Variants in MYO3A observed in about 807,000 individuals in gnomAD.
The protein encoded by MYO3A is myosin IIIA.
Under a neutral mutation model 192.7 loss-of-function variants are expected in MYO3A, and 180 were observed. That is an observed-to-expected ratio of 0.93 (90% CI 0.83 to 1.06). The LOEUF is 1.06. Among genes scored for constraint, MYO3A ranks in the 50% least tolerant of loss-of-function variants. The probability of loss-of-function intolerance (pLI) is 0.00; values close to 1 mark genes in which losing one functional copy is unlikely to be tolerated. For synonymous variants in MYO3A, 628 were observed against 645.3 expected, an observed-to-expected ratio of 0.97 and a Z score of 0.41; for missense variants, 1,896 against 1,905.0, an observed-to-expected ratio of 1.00 and a Z score of 0.09.
intron 10 of MYO3A, among the ~76,000 whole-genome samples, chr10:26,051,671 G>A (rs74126362): frequency 6.6e-6 from 1 of 151,092 alleles, no homozygotes; most frequent in African/African-American, 2.4e-5. Context: ...ATAGCGGCTT[G>A]CCATCCCCCA....
chr10:26,137,212 A>G (rs1461937931), intron 20 of MYO3A, among the ~76,000 whole-genome samples: 1 of 152,224 alleles, frequency 6.6e-6, no homozygotes, highest in African/African-American at 2.4e-5. Flanking sequence ...AGGTTATTCT[A>G]TATTTTAAAT....
At chr10:26,193,960 C>T (rs968806714) in intron 32 of MYO3A, among the ~76,000 whole-genome samples, 1 of 152,148 alleles carries the variant, frequency 6.6e-6, no homozygotes, top group South Asian at 2.1e-4. Context: ...TGTTCCTGTT[C>T]TCTATAAATG....
At chr10:26,045,237 G>A (rs1843570521) in intron 10 of MYO3A, among the ~76,000 whole-genome samples, 1 of 152,234 alleles carries the variant, frequency 6.6e-6, no homozygotes, top group African/African-American at 2.4e-5. Flanking sequence ...ATGAGCACTT[G>A]TGAGACATAC....
chr10:26,006,958 T>G (rs1372590930), intron 6 of MYO3A, among the ~76,000 whole-genome samples: 1 of 148,698 alleles, frequency 6.7e-6, no homozygotes, highest in East Asian at 1.9e-4. Context: ...ATATCCTTGA[T>G]GAACATTGAT....
At chr10:26,049,895 C>A (rs773302101) in intron 10 of MYO3A, among the ~76,000 whole-genome samples, 17 of 151,744 alleles carry the variant, frequency 1.1e-4, no homozygotes, top group Non-Finnish European at 2.5e-4. Context: ...AGGATGGTCT[C>A]GATCTCATGA....
At chr10:26,090,423 T>C (rs1363394870) in intron 15 of MYO3A, among the ~76,000 whole-genome samples, 1 of 152,224 alleles carries the variant, frequency 6.6e-6, no homozygotes, top group Non-Finnish European at 1.5e-5. Flanking sequence ...ATGCTGTGAA[T>C]TAAGTAGTTT....
At chr10:26,069,086 C>G (rs990102973) in intron 12 of MYO3A, among the ~76,000 whole-genome samples, 1 of 151,972 alleles carries the variant, frequency 6.6e-6, no homozygotes, top group Non-Finnish European at 1.5e-5. Flanking sequence ...TCTCCAAATG[C>G]GTGTGCCAGA....
chr10:26,132,945 T>C (rs1287473610), intron 20 of MYO3A, among the ~76,000 whole-genome samples: 2 of 152,210 alleles, frequency 1.3e-5, no homozygotes, highest in African/African-American at 4.8e-5. Context: ...CAACACATAA[T>C]TTGTGGCAAT....
At chr10:26,024,927 G>C (rs765902522) in intron 9 of MYO3A, among the ~76,000 whole-genome samples, 2 of 152,158 alleles carry the variant, frequency 1.3e-5, no homozygotes, top group Non-Finnish European at 2.9e-5. Context: ...TCTATAACTA[G>C]ACAGTAAGCA....
chr10:26,143,449 A>G lies in MYO3A; in HGVS notation c.2264A>G (p.Asn755Ser). ...TAAGTGGTTTTGTCTTTATTATAGA[A>G]TGAATACCTAAATGAAGATGTGGAT... Reference protein sequence around the residue: ...YNQHVFAWEQNEYLNEDVDAR... With the variant: ...YNQHVFAWEQSEYLNEDVDAR... Residue 755 changes from asparagine to serine, a missense_variant and splice_region_variant, in exon 21 of 35, where the codon AAT becomes AGT. Physicochemically the swap from Asn to Ser is conservative, Grantham distance 46 (BLOSUM62 1). Transcript: ENST00000642920. 6.2e-7 allele frequency: 1 copy of G among 1,610,018 alleles called. No individual in the cohort carries two copies. The highest frequency in any genetic ancestry group is 8.5e-7 in the Non-Finnish European group (1 of 1,176,394).
intron 4 of MYO3A, among the ~76,000 whole-genome samples, chr10:25,969,725 A>G (rs1331195627): frequency 7.2e-5 from 11 of 152,192 alleles, no homozygotes; most frequent in Non-Finnish European, 7.4e-5. Flanking sequence ...TATATTTATA[A>G]TTACATTAAG....
At chr10:25,972,726 A>G (rs1292883650) in intron 4 of MYO3A, among the ~76,000 whole-genome samples, 1 of 152,160 alleles carries the variant, frequency 6.6e-6, no homozygotes, top group Non-Finnish European at 1.5e-5. Flanking sequence ...CCCTGGAATG[A>G]CAGTGATTTT....
intron 12 of MYO3A, among the ~76,000 whole-genome samples, chr10:26,069,648 C>T (rs375873385): frequency 6.6e-6 from 1 of 151,926 alleles, no homozygotes; most frequent in Non-Finnish European, 1.5e-5. Flanking sequence ...TGCAATCTTG[C>T]TATCAATTCA....
At chr10:26,069,111 C>T (rs926202869) in intron 12 of MYO3A, among the ~76,000 whole-genome samples, 1 of 152,074 alleles carries the variant, frequency 6.6e-6, no homozygotes. Flanking sequence ...TAATTACATT[C>T]AGTTATTGGT....
chr10:25,990,772 T>C (rs1421991305), intron 4 of MYO3A, among the ~76,000 whole-genome samples: 1 of 151,674 alleles, frequency 6.6e-6, no homozygotes, highest in Non-Finnish European at 1.5e-5. Flanking sequence ...TTTGGTTTTT[T>C]GTCCTTGCCA....
Position 26,212,385 on chromosome 10 carries a change from C to G in MYO3A, c.*422C>G, listed in dbSNP as rs886046930. The G allele has an allele frequency of 1.2e-4, 39 of 331,880 alleles. No homozygotes were observed. The East Asian group carries it at 1.8e-3, about 15-fold the overall frequency. 20.6% of individuals were successfully genotyped at this position (331,880 alleles called of 1,614,324 possible). On this transcript the variant is annotated 3_prime_UTR_variant, in exon 35 of 35. Transcript: ENST00000642920. ...TTTATTGGAAACGGCTTTTCTTGGC[C>G]AACAGAACACTTGCTAGCGGTTGAA...
At chr10:25,987,738 A>G (rs746645520) in intron 4 of MYO3A, among the ~76,000 whole-genome samples, 13 of 152,190 alleles carry the variant, frequency 8.5e-5, no homozygotes, top group South Asian at 4.1e-4. Flanking sequence ...TGAAAAGGGA[A>G]TATTTTTACA....
intron 26 of MYO3A, among the ~76,000 whole-genome samples, chr10:26,163,969 G>C (rs1841603214): frequency 6.6e-6 from 1 of 152,180 alleles, no homozygotes; most frequent in South Asian, 2.1e-4. Context: ...GCCTTGGAGA[G>C]AGCAAGACAG....
At chr10:26,075,385 T>TATAC (rs1491502891) in intron 14 of MYO3A, among the ~76,000 whole-genome samples, 1 of 151,696 alleles carries the variant, frequency 6.6e-6, no homozygotes, top group Non-Finnish European at 1.5e-5. Flanking sequence ...ACCCAAGCAG[T>TATAC]ATACACTGCA....
Sources: allele counts gnomAD v4.1 joint callset (sites outside exome capture counted in the v4.1 genomes callset), GRCh38; gene constraint gnomAD v4.1.1; transcripts MANE v1.5; gene names NCBI Gene and HGNC (gene_info 2026-07-23, HGNC 2026-07-21).